The following NEO1 variants were observed in gnomAD, a reference collection of about 807,000 sequenced individuals.
The protein encoded by NEO1 is neogenin.
Under a neutral mutation model 159.7 loss-of-function variants are expected in NEO1, and 63 were observed. The observed-to-expected ratio is 0.39, with a 90% CI of 0.32 to 0.49. The LOEUF (loss-of-function observed/expected upper bound fraction) is 0.49. NEO1 is among the 20% of genes least tolerant of loss of function. The pLI is 0.85. For synonymous variants in NEO1, 633 were observed against 662.0 expected, an observed-to-expected ratio of 0.96 and a Z score of 0.67; for missense variants, 1,615 against 1,831.0, an observed-to-expected ratio of 0.88 and a Z score of 2.15.
In NEO1 at chr15:73,283,122, C is replaced by T; in HGVS notation, c.3410+11C>T. The stretch of plus-strand genomic sequence containing the variant: ...CTCTCACCAGAAAAAGTAAGAAGCC[C>T]CAGATGCACCCCTTAGATTTTTGGC... On this transcript the variant is annotated intron_variant, in intron 23 of 28. Transcript: ENST00000261908. 6.2e-7 allele frequency: 1 copy of T among 1,613,804 alleles called. No homozygotes were observed.
intron 22 of NEO1, 141 bp downstream of exon 22, chr15:73,278,340 T>G: frequency 1.6e-6 from 1 of 636,320 alleles, no homozygotes; most frequent in Admixed American, 2.8e-5. Flanking sequence ...ATTTAAGTGT[T>G]TGCCAAATCA....
At chr15:73,252,718 G>C (rs1363433594) in intron 11 of NEO1, among the ~76,000 whole-genome samples, 2 of 152,108 alleles carry the variant, frequency 1.3e-5, no homozygotes, top group Admixed American at 6.6e-5. Context: ...GGCCAGGCAC[G>C]GTGGCTCATG....
intron 5 of NEO1, chr15:73,162,339 A>C (rs1460789959): frequency 5.0e-6 from 1 of 199,604 alleles, no homozygotes; most frequent in East Asian, 1.2e-4. Context: ...TTGGCTGTTC[A>C]AATCATCATG....
At chr15:73,222,832 T>G (rs556883956) in intron 7 of NEO1, among the ~76,000 whole-genome samples, 1 of 152,300 alleles carries the variant, frequency 6.6e-6, no homozygotes, top group East Asian at 1.9e-4. Flanking sequence ...TTGGGTTTGG[T>G]TTGTCCTTAT....
chr15:73,149,767 G>A (rs569953943), intron 5 of NEO1, among the ~76,000 whole-genome samples: 1 of 151,964 alleles, frequency 6.6e-6, no homozygotes, highest in Non-Finnish European at 1.5e-5. Flanking sequence ...TGGGATACAT[G>A]TGATATTTTG....
At chr15:73,093,220 G>T (rs530416163) in intron 1 of NEO1, among the ~76,000 whole-genome samples, 1 of 152,198 alleles carries the variant, frequency 6.6e-6, no homozygotes, top group African/African-American at 2.4e-5. Flanking sequence ...ATATCAACAT[G>T]ATGTATCACT....
At chr15:73,259,786 TC>T (rs1220277168) in intron 14 of NEO1, among the ~76,000 whole-genome samples, 1 of 152,192 alleles carries the variant, frequency 6.6e-6, no homozygotes, top group African/African-American at 2.4e-5. Flanking sequence ...CTCCAAACTT[TC>T]ATGTTTTCTG....
chr15:73,214,271 G>A (rs1309395025), intron 7 of NEO1, among the ~76,000 whole-genome samples: 42 of 152,140 alleles, frequency 2.8e-4, no homozygotes, highest in Non-Finnish European at 1.5e-5. Context: ...AAGCTCTTTA[G>A]TTTAATTAAG....
At chr15:73,299,921 T>G (rs1370229826) in intron 27 of NEO1, 2 of 152,236 alleles carry the variant, frequency 1.3e-5, no homozygotes, top group Non-Finnish European at 2.9e-5. Context: ...GTGGATATTC[T>G]TTTTTGATAC....
chr15:73,280,466 G>T (rs1199191580), intron 22 of NEO1, among the ~76,000 whole-genome samples: 2 of 152,114 alleles, frequency 1.3e-5, no homozygotes, highest in African/African-American at 4.8e-5. Context: ...TCAGTGAAAT[G>T]CAGGAAAGAA....
intron 21 of NEO1, 45 bp from the exon 22 acceptor site, chr15:73,278,086 G>A (rs1049640318): frequency 7.7e-6 from 12 of 1,556,296 alleles, no homozygotes; most frequent in Middle Eastern, 1.7e-4. Context: ...GGACTGTCAC[G>A]CCAAATGTGT....
intron 27 of NEO1, 95 bp from the exon 28 acceptor site, chr15:73,301,226 C>T (rs1218361749): frequency 7.2e-6 from 11 of 1,520,956 alleles, no homozygotes; most frequent in Non-Finnish European, 8.1e-6. Context: ...CTGTATGTCT[C>T]TCTCACCCCG....
chr15:73,092,132 G>A (rs2069729067), intron 1 of NEO1, among the ~76,000 whole-genome samples: 1 of 152,000 alleles, frequency 6.6e-6, no homozygotes, highest in Non-Finnish European at 1.5e-5. Flanking sequence ...ACAACTTCAG[G>A]GTTCATACAG....
chr15:73,056,977 AAATT>A (rs2067736675), intron 1 of NEO1, among the ~76,000 whole-genome samples: 1 of 152,210 alleles, frequency 6.6e-6, no homozygotes, highest in African/African-American at 2.4e-5. Context: ...AACTGTATGA[AAATT>A]AATACATGAT....
intron 5 of NEO1, among the ~76,000 whole-genome samples, chr15:73,166,468 C>T (rs771725626): frequency 4.7e-4 from 71 of 152,068 alleles, no homozygotes; most frequent in African/African-American, 1.3e-3. Flanking sequence ...CAAGGAGAAT[C>T]GGATAGCTCA....
chr15:73,084,160 A>G (rs2069224699), intron 1 of NEO1, among the ~76,000 whole-genome samples: 1 of 152,120 alleles, frequency 6.6e-6, no homozygotes, highest in South Asian at 2.1e-4. Context: ...TTAAAGTATA[A>G]TTAAAAAAAA....
At chr15:73,066,306 A>C (rs933164196) in intron 1 of NEO1, among the ~76,000 whole-genome samples, 1 of 142,134 alleles carries the variant, frequency 7.0e-6, no homozygotes, top group Non-Finnish European at 1.5e-5. Context: ...GGCTTGAGCC[A>C]CCGCACCTGG....
At chr15:73,274,437 C>A (rs2041311281) in intron 20 of NEO1, among the ~76,000 whole-genome samples, 1 of 152,060 alleles carries the variant, frequency 6.6e-6, no homozygotes, top group African/African-American at 2.4e-5. Context: ...TTAAATAAAA[C>A]CCTAGATAAG....
At chr15:73,233,950 A>G (rs948654903) in intron 7 of NEO1, among the ~76,000 whole-genome samples, 3 of 152,204 alleles carry the variant, frequency 2.0e-5, no homozygotes, top group African/African-American at 7.2e-5. Context: ...AACTGACATC[A>G]GAGTGATTTA....
Sources: allele counts gnomAD v4.1 joint callset (sites outside exome capture counted in the v4.1 genomes callset), GRCh38; gene constraint gnomAD v4.1.1; transcripts MANE v1.5; gene names NCBI Gene and HGNC (gene_info 2026-07-23, HGNC 2026-07-21).